Variants in PJA2 observed in about 807,000 individuals in gnomAD.
The protein encoded by PJA2 is E3 ubiquitin-protein ligase Praja-2.
A neutral mutation model predicts 69.3 loss-of-function variants in PJA2; 25 were observed. That is an observed-to-expected ratio of 0.36 (90% confidence interval 0.26 to 0.50). PJA2 has a LOEUF of 0.50. PJA2 is among the 20% of genes least tolerant of loss of function. The pLI, the probability that PJA2 is intolerant of heterozygous loss-of-function variation, is 0.96. For synonymous variants in PJA2, 308 were observed against 277.8 expected (o/e 1.11, Z -1.08); for missense variants, 809 against 830.2 (o/e 0.97, Z 0.31).
At position 109,381,581 on chromosome 5, in the gene PJA2, G is replaced by A. The variant is rs1472787739; in HGVS notation, c.154C>T (p.His52Tyr). 6.2e-7 allele frequency: 1 copy of A among 1,613,876 alleles called. No homozygotes were observed. The highest frequency in any genetic ancestry group is 1.7e-5 in the Admixed American group (1 of 60,004). ...CCAGCCCGACCTAAGCTTCTTTCATGTCTGGTCATACATGGTTTAAAACTG... is the reference window on the plus strand; with the variant it reads ...CCAGCCCGACCTAAGCTTCTTTCATATCTGGTCATACATGGTTTAAAACTG... ...YVSFKPCMTRHERSLGRAGDD... is the reference protein window; with the variant it reads ...YVSFKPCMTRYERSLGRAGDD... The change falls in exon 3 of 10, where the codon CAT becomes TAT. Residue 52 changes from histidine to tyrosine, a missense_variant. Physicochemically the swap from His to Tyr is moderately conservative, Grantham distance 83 (BLOSUM62 2). Transcript: ENST00000361189.
At chr5:109,381,802 C>A in intron 2 of PJA2, 99 bp from the exon 3 acceptor site, 1 of 929,716 alleles carries the variant, frequency 1.1e-6, no homozygotes, top group Non-Finnish European at 1.6e-6. Flanking sequence ...TATTATTTAT[C>A]AAATCATATG....
Position 109,378,798 on chromosome 5 carries a change from A to T in PJA2, c.689T>A (p.Phe230Tyr), listed in dbSNP as rs1441860938. Residue 230 changes from phenylalanine (F) to tyrosine (Y), a missense_variant, in exon 4 of 10, where the codon TTT becomes TAT. Phe to Tyr is a conservative substitution (Grantham distance 22). Transcript: ENST00000361189. ...PSFNCEVRDE[F>Y]EELDSVPLVK... ...TAATGGTACAGAATCTAACTCTTCA[A>T]ACTCATCTCTTACTTCACAGTTAAA... is the stretch of plus-strand genomic sequence containing the variant. 3.1e-6 allele frequency: 5 copies of T among 1,612,926 alleles called. No individual in the cohort carries two copies. The Admixed American group carries it at 8.3e-5, about 27-fold the overall frequency.
chr5:109,363,126 C>T (rs1762528794), intron 5 of PJA2, 104 bp from the exon 6 acceptor site: 2 of 927,590 alleles, frequency 2.2e-6, no homozygotes, highest in Admixed American at 3.1e-5. Flanking sequence ...GAGTTCTAAG[C>T]TCTTGGTACT....
At chr5:109,388,601 G>A in intron 1 of PJA2, among the ~76,000 whole-genome samples, 1 of 126,852 alleles carries the variant, frequency 7.9e-6, no homozygotes, top group South Asian at 2.4e-4. Context: ...TCAACTGATA[G>A]CGTGGATCTA....
In PJA2 at chr5:109,335,710, ATTAGT is replaced by A. The variant is rs1258981011; in HGVS notation, c.*1516_*1520del. ...ATCACAGAGTAGAAAACAAGCAAAG[ATTAGT>A]TTATACAACAGTGACTATATACATC... is the stretch of plus-strand genomic sequence containing the variant. On this transcript the variant is annotated 3_prime_UTR_variant, in exon 10 of 10. Transcript: ENST00000361189. The A allele has an allele frequency of 6.6e-6, 1 of 152,560 alleles. No homozygotes were observed. The highest frequency in any genetic ancestry group is 6.5e-5 in the Admixed American group (1 of 15,280). The allele number at this position is 152,560 out of a possible 1,614,324, so 9.5% of individuals were successfully genotyped here. A position where few individuals can be genotyped will look rare whatever the true frequency, so the allele number is the denominator to read the frequency against.
At chr5:109,384,036 T>C (rs927826273) in intron 1 of PJA2, among the ~76,000 whole-genome samples, 20 of 152,232 alleles carry the variant, frequency 1.3e-4, no homozygotes, top group Admixed American at 1.0e-3. Context: ...CTGCTCTTGA[T>C]AAACCTTGCC....
chr5:109,393,883 A>G (rs779412921), intron 1 of PJA2, among the ~76,000 whole-genome samples: 1 of 152,298 alleles, frequency 6.6e-6, no homozygotes, highest in Non-Finnish European at 1.5e-5. Flanking sequence ...TGTATGTTCC[A>G]TTTTTATAAA....
At chr5:109,368,212 T>C (rs555178900) in intron 5 of PJA2, among the ~76,000 whole-genome samples, 2 of 152,342 alleles carry the variant, frequency 1.3e-5, no homozygotes, top group African/African-American at 4.8e-5. Context: ...TCCATTTCTG[T>C]GAATGAATCA....
Position 109,404,553 on chromosome 5 carries a change from C to T in PJA2, c.-88+5289G>A, listed in dbSNP as rs1003087684. Among the ~76,000 whole-genome samples, 8 of 152,124 alleles carry T rather than the reference C, an allele frequency of 5.3e-5. No homozygotes were observed. In the East Asian group the frequency reaches 1.4e-3, roughly 26 times the overall value. On this transcript the variant is annotated intron_variant, in intron 1 of 9. Transcript: ENST00000361189. ...ATAAAAATAAAAGAAATTTATTTTT[C>T]ACAGTTCTGGAGGCTGGGAAGTCCA...
At chr5:109,356,626 T>C (rs1249071947) in intron 6 of PJA2, among the ~76,000 whole-genome samples, 2 of 152,168 alleles carry the variant, frequency 1.3e-5, no homozygotes, top group Non-Finnish European at 2.9e-5. Flanking sequence ...CCAATCCGCA[T>C]GTAGGTGAGA....
At chr5:109,394,070 CAG>C (rs1373800596) in intron 1 of PJA2, among the ~76,000 whole-genome samples, 1 of 103,004 alleles carries the variant, frequency 9.7e-6, no homozygotes, top group Non-Finnish European at 1.8e-5. Flanking sequence ...TTTTTGGAGA[CAG>C]AGTCTTACTC....
At chr5:109,354,994 T>C (rs1762388951) in intron 7 of PJA2, among the ~76,000 whole-genome samples, 1 of 151,816 alleles carries the variant, frequency 6.6e-6, no homozygotes, top group African/African-American at 2.4e-5. Flanking sequence ...TGATGGCCCG[T>C]ATGTGTAGTC....
intron 7 of PJA2, among the ~76,000 whole-genome samples, chr5:109,353,474 G>C (rs1286504352): frequency 9.9e-6 from 1 of 101,288 alleles, no homozygotes; most frequent in Admixed American, 1.1e-4. Flanking sequence ...TATATCTATA[G>C]ATATCTAATA....
chr5:109,401,191 T>C (rs1230684128), intron 1 of PJA2, among the ~76,000 whole-genome samples: 3 of 148,876 alleles, frequency 2.0e-5, no homozygotes, highest in African/African-American at 7.4e-5. Context: ...GACTGAGGCA[T>C]GAGAATCACT....
rs1761936191 is a variant in PJA2, at chr5:109,336,214, C to A, written c.*1017G>T. 1 of 152,196 alleles carries A rather than the reference C, an allele frequency of 6.6e-6. No homozygotes were observed. The highest frequency in any genetic ancestry group is 1.5e-5 in the Non-Finnish European group (1 of 68,030). The allele number at this position is 152,196 out of a possible 1,614,324, so 9.4% of individuals were successfully genotyped here. On this transcript the variant is annotated 3_prime_UTR_variant, in exon 10 of 10. Coordinates refer to ENST00000361189, the MANE Select transcript of PJA2 (RefSeq NM_014819.5). The stretch of plus-strand genomic sequence containing the variant: ...AGTCATCATTCTCTAGTGTTAACAT[C>A]AAATCACATTTGTAAGTGAACTATT...
At position 109,379,006 on chromosome 5, in the gene PJA2, C is replaced by T. The variant is rs368299649; in HGVS notation, c.481G>A (p.Ala161Thr). The change falls in exon 4 of 10, where the codon GCA (alanine) becomes ACA (threonine). Residue 161 changes from alanine to threonine, a missense_variant. Physicochemically the swap from Ala to Thr is moderately conservative, Grantham distance 58. Around this residue, in one of 4 missense-constraint regions of PJA2, gnomAD observed 700 missense variants for 639.5 expected, o/e 1.09. Coordinates refer to ENST00000361189, the MANE Select transcript of PJA2 (RefSeq NM_014819.5). ...CSASSVQNGI[A>T]LVHTDSYDPD... ...TCATAAGAGTCTGTATGAACCAATG[C>T]AATTCCATTTTGGACACTTGAAGCA... The T allele has an allele frequency of 5.6e-6, 9 of 1,614,036 alleles. No individual in the cohort carries two copies. The African/African-American group carries it at 1.1e-4, about 19-fold the overall frequency.
chr5:109,365,976 T>C (rs1375923818), intron 5 of PJA2, among the ~76,000 whole-genome samples: 2 of 152,192 alleles, frequency 1.3e-5, no homozygotes, highest in Non-Finnish European at 2.9e-5. Flanking sequence ...TTGGTGTCTA[T>C]CTAGACAACT....
At chr5:109,365,371 T>C (rs898953429) in intron 5 of PJA2, among the ~76,000 whole-genome samples, 3 of 152,106 alleles carry the variant, frequency 2.0e-5, no homozygotes, top group Non-Finnish European at 4.4e-5. Flanking sequence ...AAAAAACAGA[T>C]CTATAAACAA....
intron 2 of PJA2, among the ~76,000 whole-genome samples, chr5:109,382,873 G>C (rs1346600780): frequency 6.6e-6 from 1 of 150,692 alleles, no homozygotes; most frequent in Non-Finnish European, 1.5e-5. Flanking sequence ...ATGAATAAAT[G>C]AATGAATGAA....
Sources: allele counts gnomAD v4.1 joint callset (sites outside exome capture counted in the v4.1 genomes callset), GRCh38; gene constraint gnomAD v4.1.1; regional missense constraint gnomAD v4.1.1; transcripts MANE v1.5; gene names NCBI Gene and HGNC (gene_info 2026-07-23, HGNC 2026-07-21).